The following PNPLA3 variants were observed in gnomAD, a reference collection of about 807,000 sequenced individuals.
PNPLA3 encodes 1-acylglycerol-3-phosphate O-acyltransferase PNPLA3.
A neutral mutation model predicts 43.1 loss-of-function variants in PNPLA3; 42 were observed. That is an observed-to-expected ratio of 0.97 (90% confidence interval 0.76 to 1.26). PNPLA3 has a LOEUF of 1.26. PNPLA3 is among the 50% of genes most tolerant of loss of function. PNPLA3 has a pLI of 0.00. For synonymous variants in PNPLA3, 272 were observed against 253.6 expected (o/e 1.07, Z -0.69); for missense variants, 647 against 621.4 (o/e 1.04, Z -0.44).
At chr22:43,931,850 C>G (rs538562389) in intron 3 of PNPLA3, among the ~76,000 whole-genome samples, 29 of 152,144 alleles carry the variant, frequency 1.9e-4, no homozygotes, top group Non-Finnish European at 3.8e-4. Context: ...CTACATCTGC[C>G]CTAGAAATTG....
chr22:43,942,708 T>C (rs867256302), intron 7 of PNPLA3, among the ~76,000 whole-genome samples: 10 of 145,840 alleles, frequency 6.9e-5, no homozygotes, highest in South Asian at 2.2e-4. Flanking sequence ...TTTCTTTTTT[T>C]TTTTTTTTTT....
intron 5 of PNPLA3, among the ~76,000 whole-genome samples, chr22:43,935,683 A>G (rs1166172292): frequency 6.6e-6 from 1 of 151,942 alleles, no homozygotes; most frequent in Non-Finnish European, 1.5e-5. Context: ...TGGGGACACT[A>G]AGAGATGGCT....
Position 43,946,271 on chromosome 22 carries a change from C to G in PNPLA3, c.1335C>G (p.Thr445=). 6.2e-7 allele frequency: 1 copy of G among 1,614,176 alleles called. No individual in the cohort carries two copies. Among genetic ancestry groups the G allele is most frequent in the Non-Finnish European group, 8.5e-7 (1 of 1,180,032 alleles). Residue 445 remains threonine (T), a synonymous_variant, in exon 9 of 9, where the codon ACC becomes ACG. Transcript: ENST00000216180. The part of the protein sequence containing the change: ...GCPAETKAEA[T]PRSILRSSLN... ...CAGCAGAGACCAAAGCAGAGGCCAC[C>G]CCGCGGTCCATCCTCAGGTCCAGCC... is the stretch of plus-strand genomic sequence containing the variant.
At chr22:43,931,576 C>T (rs1439838093) in intron 3 of PNPLA3, among the ~76,000 whole-genome samples, 3 of 152,082 alleles carry the variant, frequency 2.0e-5, no homozygotes, top group Non-Finnish European at 2.9e-5. Flanking sequence ...AGTGCAGTGG[C>T]GCGATCTCAG....
intron 4 of PNPLA3, 56 bp from the exon 5 acceptor site, chr22:43,934,550 A>G: frequency 6.6e-7 from 1 of 1,513,768 alleles, no homozygotes; most frequent in Non-Finnish European, 9.2e-7. Flanking sequence ...ATGATGCTGA[A>G]ATAAATGGTG....
rs370379028 is a variant in PNPLA3 at position 43,944,815 on chromosome 22, G to T, written c.1217+20G>T. Reference sequence around the variant, plus strand: ...CTCCAGGTAAATACTTTGGCTGTGGGTGTGTGGGCCGGACGGGCACCTCTC... The same window carrying T: ...CTCCAGGTAAATACTTTGGCTGTGGTTGTGTGGGCCGGACGGGCACCTCTC... On this transcript the variant is annotated intron_variant, in intron 8 of 8. Coordinates refer to ENST00000216180, the MANE Select transcript of PNPLA3 (RefSeq NM_025225.3). 1.1e-3 allele frequency: 1,742 copies of T among 1,605,064 alleles called. 4 individuals carry two copies. Among genetic ancestry groups the T allele is most frequent in the Non-Finnish European group, 1.4e-3 (1,673 of 1,171,746 alleles).
At chr22:43,938,960 G>A (rs1460040487) in intron 6 of PNPLA3, among the ~76,000 whole-genome samples, 2 of 152,196 alleles carry the variant, frequency 1.3e-5, no homozygotes, top group African/African-American at 4.8e-5. Context: ...GTCTCACTCT[G>A]TTGCCCAGGC....
intron 2 of PNPLA3, 23 bp downstream of exon 2, chr22:43,927,190 C>A: frequency 1.9e-6 from 3 of 1,605,478 alleles, no homozygotes; most frequent in Non-Finnish European, 1.7e-6. Flanking sequence ...CTTATCTGGA[C>A]GTTGTCAAGT....
chr22:43,927,699 C>T (rs977350344), intron 2 of PNPLA3, among the ~76,000 whole-genome samples: 2 of 151,892 alleles, frequency 1.3e-5, no homozygotes, highest in African/African-American at 2.4e-5. Flanking sequence ...CTCTGTCTCC[C>T]AGGCTGGAGT....
chr22:43,940,535 G>A (rs770126836), intron 7 of PNPLA3, among the ~76,000 whole-genome samples: 13 of 152,208 alleles, frequency 8.5e-5, no homozygotes, highest in East Asian at 1.9e-4. Context: ...GAAGGCCGGC[G>A]CCGTGGCTCA....
At chr22:43,928,059 G>C (rs2049936549) in intron 2 of PNPLA3, among the ~76,000 whole-genome samples, 1 of 152,198 alleles carries the variant, frequency 6.6e-6, no homozygotes, top group Non-Finnish European at 1.5e-5. Flanking sequence ...TCAGGGTCTA[G>C]CAGAGAGAAG....
chr22:43,930,927 C>T (rs1432954288), intron 3 of PNPLA3, among the ~76,000 whole-genome samples: 1 of 152,258 alleles, frequency 6.6e-6, no homozygotes, highest in East Asian at 1.9e-4. Flanking sequence ...AGATCGAGAC[C>T]ATCCTGGCTA....
At chr22:43,926,890 TC>T in intron 1 of PNPLA3, 44 bp from the exon 2 acceptor site, 2 of 1,537,786 alleles carry the variant, frequency 1.3e-6, no homozygotes, top group Non-Finnish European at 1.8e-6. Flanking sequence ...AGTATTACCA[TC>T]CCAGTGTGGT....
chr22:43,944,905 C>T (rs2050053367), intron 8 of PNPLA3, 110 bp downstream of exon 8: 2 of 972,876 alleles, frequency 2.1e-6, no homozygotes, highest in Admixed American at 2.0e-5. Flanking sequence ...AAGGAGCTTG[C>T]CCTTGGGTGT....
rs534752085 is a variant in PNPLA3 at position 43,932,686 on chromosome 22, T to G, written c.487-192T>G. On this transcript the variant is annotated intron_variant, in intron 3 of 8. Transcript: ENST00000216180. ...TAGACGGCAACCCTGAGAGCCAGAGTAGAGCCTGTCCTAGCACCGGAATGC... is the reference window on the plus strand; with the variant it reads ...TAGACGGCAACCCTGAGAGCCAGAGGAGAGCCTGTCCTAGCACCGGAATGC... 3.9e-4 allele frequency among the ~76,000 whole-genome samples: 59 copies of G among 152,064 alleles called. 1 individual carries two copies. In the South Asian group the frequency reaches 0.012, roughly 32 times the overall value.
intron 3 of PNPLA3, 24 bp downstream of exon 3, chr22:43,928,913 G>T (rs777321444): frequency 6.3e-7 from 1 of 1,592,294 alleles, no homozygotes; most frequent in Non-Finnish European, 8.6e-7. Context: ...CTCTGCTAGC[G>T]CTGAGTCCTG....
At chr22:43,927,318 A>C in intron 2 of PNPLA3, 151 bp downstream of exon 2, 1 of 648,008 alleles carries the variant, frequency 1.5e-6, no homozygotes, top group Non-Finnish European at 2.7e-6. Context: ...GATGAAACCC[A>C]GTCTCTACAA....
At chr22:43,938,089 G>A (rs557264339) in intron 6 of PNPLA3, among the ~76,000 whole-genome samples, 3 of 152,274 alleles carry the variant, frequency 2.0e-5, no homozygotes, top group Admixed American at 1.3e-4. Context: ...ACACCAACAT[G>A]TCTGCTGCCC....
chr22:43,933,286 A>G (rs528595335), intron 4 of PNPLA3, among the ~76,000 whole-genome samples, 199 bp downstream of exon 4: 7 of 152,262 alleles, frequency 4.6e-5, no homozygotes, highest in Admixed American at 4.6e-4. Context: ...GGGAACATAT[A>G]CCCAGACCTA....
Sources: allele counts gnomAD v4.1 joint callset (sites outside exome capture counted in the v4.1 genomes callset), GRCh38; gene constraint gnomAD v4.1.1; transcripts MANE v1.5; gene names NCBI Gene and HGNC (gene_info 2026-07-23, HGNC 2026-07-21).